The following STON2 variants were observed in gnomAD, a reference collection of about 807,000 sequenced individuals.
STON2 encodes stonin-2.
Under a neutral mutation model 65.7 loss-of-function variants are expected in STON2, and 29 were observed. The observed-to-expected ratio is 0.44, with a 90% confidence interval of 0.33 to 0.60. STON2 has a LOEUF of 0.60. STON2 is among the 20% of genes least tolerant of loss of function. The probability of loss-of-function intolerance (pLI) is 0.03; values close to 1 mark genes in which losing one functional copy is unlikely to be tolerated. For synonymous variants in STON2, 404 were observed against 414.2 expected (o/e 0.98, Z 0.30); for missense variants, 1,054 against 1,118.1 (o/e 0.94, Z 0.82).
intron 2 of STON2, among the ~76,000 whole-genome samples, chr14:81,417,046 T>C (rs970833781): frequency 4.6e-5 from 7 of 152,166 alleles, no homozygotes; most frequent in South Asian, 2.1e-4. Context: ...TATTTCCCCC[T>C]TCCTCTTTTG....
chr14:81,329,874 T>C (rs1897145230), intron 4 of STON2, among the ~76,000 whole-genome samples: 1 of 151,758 alleles, frequency 6.6e-6, no homozygotes, highest in South Asian at 2.1e-4. Flanking sequence ...GCTGCACAAG[T>C]ACCAACAGGT....
intron 5 of STON2, among the ~76,000 whole-genome samples, chr14:81,317,996 C>A (rs1453980349): frequency 1.3e-5 from 2 of 152,054 alleles, no homozygotes; most frequent in African/African-American, 4.8e-5. Flanking sequence ...GGCGGAGTCT[C>A]ACTCTGTTGC....
rs926771833 is a variant in STON2, at chr14:81,265,444, C to G, written c.*2970G>C. 5.7e-6 allele frequency: 4 copies of G among 702,466 alleles called. No homozygotes were observed. The African/African-American group carries it at 7.8e-5, about 14-fold the overall frequency. The allele number at this position is 702,466 out of a possible 1,614,324, so 43.5% of individuals were successfully genotyped here. A position where few individuals can be genotyped will look rare whatever the true frequency, so the allele number is the denominator to read the frequency against. On this transcript the variant is annotated 3_prime_UTR_variant, in exon 8 of 8. Coordinates refer to ENST00000614646, the MANE Select transcript of STON2 (RefSeq NM_001394390.1). ...CTGAGGCAGGCTTATCACCTGAGGTCAGACATTCGAGACCAGCCTGGCCAA... is the reference window on the plus strand; with the variant it reads ...CTGAGGCAGGCTTATCACCTGAGGTGAGACATTCGAGACCAGCCTGGCCAA...
chr14:81,319,338 A>T (rs1896740995), intron 5 of STON2, among the ~76,000 whole-genome samples: 1 of 152,124 alleles, frequency 6.6e-6, no homozygotes, highest in Non-Finnish European at 1.5e-5. Flanking sequence ...AATTGACTCT[A>T]AGATCCTCAA....
At chr14:81,361,274 T>G (rs1231899010) in intron 4 of STON2, among the ~76,000 whole-genome samples, 1 of 151,868 alleles carries the variant, frequency 6.6e-6, no homozygotes, top group Admixed American at 6.6e-5. Flanking sequence ...ATATAGAAAC[T>G]AAAAGAGCAT....
At chr14:81,318,830 G>A (rs1396807893) in intron 5 of STON2, among the ~76,000 whole-genome samples, 1 of 152,210 alleles carries the variant, frequency 6.6e-6, no homozygotes, top group Admixed American at 6.5e-5. Context: ...GACAGAGTGA[G>A]ACTCTATCTC....
chr14:81,336,543 T>C (rs532383498), intron 4 of STON2, among the ~76,000 whole-genome samples: 6 of 152,116 alleles, frequency 3.9e-5, no homozygotes, highest in African/African-American at 1.4e-4. Context: ...GTACATGACC[T>C]GCATGGAGGG....
At chr14:81,356,059 T>C (rs1410015400) in intron 4 of STON2, among the ~76,000 whole-genome samples, 1 of 152,182 alleles carries the variant, frequency 6.6e-6, no homozygotes, top group Non-Finnish European at 1.5e-5. Flanking sequence ...ATAGGAGTGG[T>C]GAGAGAGGGC....
At position 81,263,850 on chromosome 14, in the gene STON2, G is replaced by C. The variant is rs1894256275; in HGVS notation, c.*4564C>G. 1 of 985,388 alleles carries C rather than the reference G, an allele frequency of 1.0e-6. No individual in the cohort carries two copies. The highest frequency in any genetic ancestry group is 1.2e-6 in the Non-Finnish European group (1 of 829,936). 61.0% of individuals were successfully genotyped at this position (985,388 alleles called of 1,614,324 possible). A position where few individuals can be genotyped will look rare whatever the true frequency, so the allele number is the denominator to read the frequency against. On this transcript the variant is annotated 3_prime_UTR_variant, in exon 8 of 8. Transcript: ENST00000614646. ...CCAAGGCTTTTAAGAAAAAACTTCA[G>C]CTCATTCTGTTTTCCCACCACTAAA... is the stretch of plus-strand genomic sequence containing the variant.
intron 4 of STON2, among the ~76,000 whole-genome samples, chr14:81,337,410 G>A (rs1897415521): frequency 6.6e-6 from 1 of 152,184 alleles, no homozygotes; most frequent in Admixed American, 6.5e-5. Context: ...CTGTGCATGT[G>A]GAGTTCATGT....
chr14:81,346,636 G>A (rs1007303976), intron 4 of STON2, among the ~76,000 whole-genome samples: 1 of 152,132 alleles, frequency 6.6e-6, no homozygotes, highest in African/African-American at 2.4e-5. Context: ...TTATTCTCAT[G>A]AGCACATGTA....
In STON2 at chr14:81,261,869, T is replaced by C. The variant is rs1246417976; in HGVS notation, c.*6545A>G. 6.5e-7 allele frequency: 1 copy of C among 1,534,044 alleles called. No homozygotes were observed. Among genetic ancestry groups the C allele is most frequent in the African/African-American group, 1.4e-5 (1 of 72,666 alleles). On this transcript the variant is annotated 3_prime_UTR_variant, in exon 8 of 8. Coordinates refer to ENST00000614646, the MANE Select transcript of STON2 (RefSeq NM_001394390.1). ...TCACCACCCTCTTTGATCCTCTTTT[T>C]AAATCTGTGTGTGGAAGGCAACTGC... is the stretch of plus-strand genomic sequence containing the variant.
intron 4 of STON2, among the ~76,000 whole-genome samples, chr14:81,347,035 G>A (rs539226902): frequency 2.6e-5 from 4 of 151,676 alleles, no homozygotes; most frequent in Admixed American, 6.6e-5. Flanking sequence ...CTCAAAATTG[G>A]GTGAAGGAAA....
rs1360023812 is a variant in STON2, at chr14:81,413,647, T to A, written c.-199+13455A>T. Reference sequence around the variant, plus strand: ...CGTCTCTATTAAAAATACAAAAAAATTAGCCTGGCATGGTGGCGTTTGTCT... The same window carrying A: ...CGTCTCTATTAAAAATACAAAAAAAATAGCCTGGCATGGTGGCGTTTGTCT... On this transcript the variant is annotated intron_variant, in intron 2 of 8. Transcript: ENST00000553821. Among the ~76,000 whole-genome samples the A allele has an allele frequency of 8.7e-5, 12 of 137,976 alleles. 2 individuals carry two copies. The highest frequency in any genetic ancestry group is 5.1e-4 in the Admixed American group (7 of 13,818). The allele number at this position is 137,976 out of a possible 152,430, so 90.5% of individuals were successfully genotyped here.
At chr14:81,392,683 TA>T (rs1361607190) in intron 3 of STON2, among the ~76,000 whole-genome samples, 2 of 152,234 alleles carry the variant, frequency 1.3e-5, no homozygotes, top group African/African-American at 4.8e-5. Context: ...AATTCTTAAA[TA>T]TTTTTTTAAA....
intron 2 of STON2, among the ~76,000 whole-genome samples, chr14:81,396,661 C>T (rs989987570): frequency 1.3e-5 from 2 of 152,182 alleles, no homozygotes; most frequent in African/African-American, 4.8e-5. Flanking sequence ...AACCCATGTG[C>T]ACTAATGACC....
intron 4 of STON2, among the ~76,000 whole-genome samples, chr14:81,332,532 A>G (rs1440634108): frequency 6.6e-6 from 1 of 152,164 alleles, no homozygotes; most frequent in African/African-American, 2.4e-5. Flanking sequence ...ATATCTTACC[A>G]TATGTTCCCC....
chr14:81,289,078 C>A (rs1296947275), intron 5 of STON2, among the ~76,000 whole-genome samples: 1 of 152,164 alleles, frequency 6.6e-6, no homozygotes, highest in Non-Finnish European at 1.5e-5. Flanking sequence ...ACCCCAGCAA[C>A]AACGCAGGAT....
chr14:81,269,779 T>A, intron 7 of STON2: 1 of 985,450 alleles, frequency 1.0e-6, no homozygotes, highest in Non-Finnish European at 1.2e-6. Context: ...TGGCATTTAA[T>A]CTCCTATTGA....
Sources: gnomAD v4.1 joint callset for allele counts (sites outside exome capture counted in the v4.1 genomes callset) on GRCh38, gnomAD v4.1.1 for gene constraint, MANE v1.5 for transcripts, NCBI Gene and HGNC (gene_info 2026-07-23, HGNC 2026-07-21) for gene names.